LMBR1: variants seen among roughly 807,000 people sequenced by gnomAD.
The protein encoded by LMBR1 is limb development membrane protein 1.
LMBR1 carries 52 observed loss-of-function variants against 73.9 expected under a neutral mutation model. The ratio of observed to expected loss-of-function variants is 0.70; its 90% CI spans 0.56 to 0.89. LMBR1 has a LOEUF of 0.89. Among genes scored for constraint, LMBR1 ranks in the 40% least tolerant of loss-of-function variants. The probability of loss-of-function intolerance (pLI) is 0.00; values close to 1 mark genes in which losing one functional copy is unlikely to be tolerated. For synonymous variants in LMBR1, 215 were observed against 209.4 expected, an observed-to-expected ratio of 1.03 and a Z score of -0.23; for missense variants, 539 against 579.8, an observed-to-expected ratio of 0.93 and a Z score of 0.72.
chr7:156,703,630 G>C (rs1006995898), intron 15 of LMBR1, among the ~76,000 whole-genome samples: 1 of 152,304 alleles, frequency 6.6e-6, no homozygotes, highest in Non-Finnish European at 1.5e-5. Flanking sequence ...CCTAGGCTGA[G>C]ACCCTGGCAT....
rs1175530192 is a variant in LMBR1 at position 156,691,591 on chromosome 7, AAGAG to A, written c.1226-3404_1226-3401del. ...CTTCCTAAAGCAGCAAAAAGTAGTTAAGAGAGAGTTTATAAAGCTTGACACATAA... is the reference window on the plus strand; with the variant it reads ...CTTCCTAAAGCAGCAAAAAGTAGTTAAGAGTTTATAAAGCTTGACACATAA... On this transcript the variant is annotated intron_variant, in intron 15 of 16. Coordinates refer to ENST00000353442, the MANE Select transcript of LMBR1 (RefSeq NM_022458.4). Among the ~76,000 whole-genome samples, 4 of 152,306 alleles carry A rather than the reference AAGAG, an allele frequency of 2.6e-5. No homozygotes were observed. In the East Asian group the frequency reaches 5.8e-4, roughly 22 times the overall value.
At chr7:156,709,136 C>A (rs1811573155) in intron 15 of LMBR1, among the ~76,000 whole-genome samples, 1 of 152,254 alleles carries the variant, frequency 6.6e-6, no homozygotes, top group Non-Finnish European at 1.5e-5. Flanking sequence ...TGGCCCCACC[C>A]ATCACCTGAG....
Position 156,784,187 on chromosome 7 carries a change from T to G in LMBR1, c.423+12202A>C, listed in dbSNP as rs141488435. Among the ~76,000 whole-genome samples the G allele has an allele frequency of 1.9e-3, 286 of 152,330 alleles. 2 individuals are homozygous for G. The highest frequency in any genetic ancestry group is 6.7e-3 in the African/African-American group (280 of 41,564). The stretch of plus-strand genomic sequence containing the variant: ...TTAAAAGTCTCCTTGAAATATTTTT[T>G]GTCTACTAACTCTTTGAGTAATACA... On this transcript the variant is annotated intron_variant, in intron 5 of 16. Transcript: ENST00000353442.
rs553692997 is a variant in LMBR1 at position 156,805,357 on chromosome 7, C to T, written c.320-8865G>A. Among the ~76,000 whole-genome samples, 43 of 152,016 alleles carry T rather than the reference C, an allele frequency of 2.8e-4. No homozygotes were observed. In the South Asian group the frequency reaches 8.7e-3, roughly 31 times the overall value. ...TCAGACTCCCAAGTAGCTGGGATTA[C>T]AGGTGCATGCACCACACCAGGCTAA... is the stretch of plus-strand genomic sequence containing the variant. On this transcript the variant is annotated intron_variant, in intron 4 of 16. Transcript: ENST00000353442.
chr7:156,867,861 G>C (rs1299653031), intron 1 of LMBR1, among the ~76,000 whole-genome samples: 1 of 152,106 alleles, frequency 6.6e-6, no homozygotes, highest in African/African-American at 2.4e-5. Flanking sequence ...AGTGGTGATG[G>C]CTGTCCAAGT....
intron 15 of LMBR1, among the ~76,000 whole-genome samples, chr7:156,706,201 G>A (rs893917186): frequency 6.9e-6 from 1 of 145,550 alleles, no homozygotes; most frequent in African/African-American, 2.6e-5. Context: ...TAATGATAAA[G>A]GGACCTATTC....
chr7:156,699,794 T>C (rs1006609524), intron 15 of LMBR1, among the ~76,000 whole-genome samples: 14 of 151,974 alleles, frequency 9.2e-5, no homozygotes, highest in African/African-American at 3.1e-4. Flanking sequence ...AAAAAACACA[T>C]GAAAAAATGC....
At chr7:156,676,257 GTA>G, downstream of LMBR1, 2 of 1,430,482 alleles carry the variant, frequency 1.4e-6, no homozygotes, top group Non-Finnish European at 9.6e-7. Context: ...ATATATATAT[GTA>G]TATATATAAA....
chr7:156,763,696 CGTT>C lies in LMBR1; in HGVS notation c.520_522del (p.Asn174del). 1 of 1,593,174 alleles carries C rather than the reference CGTT, an allele frequency of 6.3e-7. No individual in the cohort carries two copies. Among genetic ancestry groups the C allele is most frequent in the Non-Finnish European group, 8.5e-7 (1 of 1,174,480 alleles). ...TATAAAGATTCCATGCTTGCGGCATCGTTGTCAATGAGTGCTGAAGCTACCCAC... is the reference window on the plus strand; with the variant it reads ...TATAAAGATTCCATGCTTGCGGCATCGTCAATGAGTGCTGAAGCTACCCAC... On this transcript the variant is annotated inframe_deletion, in exon 6 of 17. Transcript: ENST00000353442.
chr7:156,725,106 A>G (rs1389548532), intron 14 of LMBR1, among the ~76,000 whole-genome samples: 2 of 152,188 alleles, frequency 1.3e-5, no homozygotes, highest in African/African-American at 4.8e-5. Flanking sequence ...ACTTCAAACA[A>G]GCTCCCTGAA....
At chr7:156,834,318 T>C (rs1837222127) in intron 2 of LMBR1, among the ~76,000 whole-genome samples, 1 of 152,110 alleles carries the variant, frequency 6.6e-6, no homozygotes, top group Admixed American at 6.6e-5. Context: ...AAACAGAAAT[T>C]GGCTGGGCGC....
At chr7:156,699,709 G>GA (rs1585247005) in intron 15 of LMBR1, among the ~76,000 whole-genome samples, 1 of 151,714 alleles carries the variant, frequency 6.6e-6, no homozygotes, top group South Asian at 2.1e-4. Flanking sequence ...AAATTTACAA[G>GA]AAAAAAACAA....
At chr7:156,675,902 C>A, downstream of LMBR1, 1 of 1,592,648 alleles carries the variant, frequency 6.3e-7, no homozygotes. Context: ...GCAGACTCAG[C>A]TGCAGCTGCA....
At chr7:156,879,467 AT>A (rs1442901472) in intron 1 of LMBR1, among the ~76,000 whole-genome samples, 6 of 152,194 alleles carry the variant, frequency 3.9e-5, no homozygotes, top group Non-Finnish European at 7.3e-5. Flanking sequence ...GATCGAGACC[AT>A]CCTGGCTAAC....
rs537420446 is a variant in LMBR1 at position 156,750,537 on chromosome 7, G to C, written c.757+5856C>G. On this transcript the variant is annotated intron_variant, in intron 9 of 16. Coordinates refer to ENST00000353442, the MANE Select transcript of LMBR1 (RefSeq NM_022458.4). ...TGCCTCTCAACGTTGGTGTGTCCTT[G>C]GCAGTCTCCACTATGGGCCTTCCTA... Among the ~76,000 whole-genome samples, 3 of 152,186 alleles carry C rather than the reference G, an allele frequency of 2.0e-5. No homozygotes were observed. The East Asian group carries it at 5.8e-4, about 29-fold the overall frequency.
chr7:156,837,389 T>C (rs1284575714), intron 1 of LMBR1, among the ~76,000 whole-genome samples: 4 of 149,706 alleles, frequency 2.7e-5, no homozygotes, highest in Non-Finnish European at 5.9e-5. Context: ...ACTAGTCAAT[T>C]AGCCCCATTT....
At chr7:156,768,424 G>C (rs773127168) in intron 5 of LMBR1, among the ~76,000 whole-genome samples, 1 of 152,096 alleles carries the variant, frequency 6.6e-6, no homozygotes, top group African/African-American at 2.4e-5. Context: ...TATTTAGCAT[G>C]TTTATGCAAA....
chr7:156,749,606 T>C (rs1372979510), intron 9 of LMBR1, among the ~76,000 whole-genome samples: 1 of 152,206 alleles, frequency 6.6e-6, no homozygotes, highest in Non-Finnish European at 1.5e-5. Flanking sequence ...AAAAAGGTAT[T>C]CCAATCTGAC....
chr7:156,719,046 A>G (rs1191664382), intron 15 of LMBR1, among the ~76,000 whole-genome samples: 1 of 151,888 alleles, frequency 6.6e-6, no homozygotes, highest in African/African-American at 2.4e-5. Context: ...GGTTAGTTAC[A>G]TATGTATACA....
Sources: allele counts gnomAD v4.1 joint callset (sites outside exome capture counted in the v4.1 genomes callset), GRCh38; gene constraint gnomAD v4.1.1; transcripts MANE v1.5; gene names NCBI Gene and HGNC (gene_info 2026-07-23, HGNC 2026-07-21).